USH2A: variants seen among roughly 807,000 people sequenced by gnomAD.
USH2A encodes Usher syndrome 2A (autosomal recessive, mild).
In USH2A, 443 loss-of-function variants were observed where a neutral mutation model predicts 538.9. The ratio of observed to expected loss-of-function variants is 0.82; its 90% CI spans 0.76 to 0.89. The LOEUF (loss-of-function observed/expected upper bound fraction) is 0.89. USH2A is among the 40% of genes least tolerant of loss of function. USH2A has a pLI of 0.00. For missense variants in USH2A, 6,633 were observed against 6,324.8 expected, an observed-to-expected ratio of 1.05 and a Z score of -1.65; for synonymous variants, 2,413 against 2,273.5, an observed-to-expected ratio of 1.06 and a Z score of -1.75.
intron 3 of USH2A, among the ~76,000 whole-genome samples, chr1:216,375,557 G>C (rs1241445488): frequency 6.6e-6 from 1 of 152,186 alleles, no homozygotes; most frequent in Admixed American, 6.6e-5. Flanking sequence ...TGGTTTAAGA[G>C]AATATTGTAG....
At chr1:216,130,357 T>C (rs999101977) in intron 21 of USH2A, among the ~76,000 whole-genome samples, 1 of 151,764 alleles carries the variant, frequency 6.6e-6, no homozygotes, top group Admixed American at 6.6e-5. Flanking sequence ...GTTATTCTTA[T>C]GCCTTTGCAT....
chr1:216,258,272 T>C (rs947400882), intron 11 of USH2A, among the ~76,000 whole-genome samples: 1 of 152,140 alleles, frequency 6.6e-6, no homozygotes, highest in Non-Finnish European at 1.5e-5. Flanking sequence ...AGGGCTATTC[T>C]CCACTGTTGA....
intron 30 of USH2A, among the ~76,000 whole-genome samples, chr1:216,059,051 C>T (rs1040204658): frequency 7.2e-5 from 11 of 151,966 alleles, no homozygotes; most frequent in East Asian, 3.9e-4. Flanking sequence ...AAAAATTTCA[C>T]GGCGTTGAAT....
At chr1:216,417,226 G>C (rs76873645) in intron 3 of USH2A, among the ~76,000 whole-genome samples, 4 of 146,910 alleles carry the variant, frequency 2.7e-5, no homozygotes, top group Non-Finnish European at 6.0e-5. Context: ...CAATTATCAA[G>C]ACCCTCTGAG....
intron 16 of USH2A, among the ~76,000 whole-genome samples, chr1:216,201,467 C>T (rs750192616): frequency 6.6e-6 from 1 of 152,048 alleles, no homozygotes; most frequent in Non-Finnish European, 1.5e-5. Context: ...GTGCCCACCA[C>T]CACGCCCGGC....
intron 30 of USH2A, among the ~76,000 whole-genome samples, chr1:216,053,024 G>A (rs574100325): frequency 4.6e-5 from 7 of 152,144 alleles, no homozygotes; most frequent in East Asian, 1.9e-4. Flanking sequence ...CAATGTTTCC[G>A]CTATATGCGT....
At chr1:216,387,279 A>C (rs1182635551) in intron 3 of USH2A, among the ~76,000 whole-genome samples, 1 of 152,208 alleles carries the variant, frequency 6.6e-6, no homozygotes, top group Admixed American at 6.5e-5. Flanking sequence ...TGTTTTTACT[A>C]AGCTACAAAG....
At chr1:215,698,568 T>C (rs1042946810) in intron 61 of USH2A, among the ~76,000 whole-genome samples, 2 of 152,268 alleles carry the variant, frequency 1.3e-5, no homozygotes, top group Admixed American at 6.5e-5. Context: ...ATTTCTCTAA[T>C]TACCAGTGAT....
At position 216,370,677 on chromosome 1, in the gene USH2A, CAAAAAAAA is replaced by C. The variant is rs58845914; in HGVS notation, c.652-5600_652-5593del. Among the ~76,000 whole-genome samples, 64 of 29,990 alleles carry C rather than the reference CAAAAAAAA, an allele frequency of 2.1e-3. 3 individuals carry two copies. The highest frequency in any genetic ancestry group is 3.6e-3 in the Non-Finnish European group (59 of 16,362). 19.7% of individuals were successfully genotyped at this position (29,990 alleles called of 152,430 possible). A position where few individuals can be genotyped will look rare whatever the true frequency, so the allele number is the denominator to read the frequency against. On this transcript the variant is annotated intron_variant, in intron 3 of 71. Transcript: ENST00000307340. ...TGGGGAACAGAGCCAGACTCTGTCT[CAAAAAAAA>C]AAAAAAAAAAAAAAAAATACTCAAG...
At chr1:216,390,730 TA>T (rs1170453051) in intron 3 of USH2A, among the ~76,000 whole-genome samples, 2 of 152,186 alleles carry the variant, frequency 1.3e-5, no homozygotes, top group African/African-American at 4.8e-5. Flanking sequence ...TCGGTGTTCA[TA>T]ATCACACACC....
chr1:216,141,336 A>G (rs368107), intron 21 of USH2A, among the ~76,000 whole-genome samples: 129,744 of 152,230 alleles, frequency 0.85, 55,397 homozygotes, highest in East Asian at 0.98. Flanking sequence ...TCTGCCTGCC[A>G]GGTGCTGTGG....
At chr1:215,909,334 C>A (rs1317733950) in intron 38 of USH2A, among the ~76,000 whole-genome samples, 1 of 151,776 alleles carries the variant, frequency 6.6e-6, no homozygotes, top group Non-Finnish European at 1.5e-5. Flanking sequence ...CTTTTCAGAG[C>A]AGTGAAGCTA....
chr1:215,650,634 G>T lies in USH2A; in HGVS notation c.14301C>A (p.Leu4767=). The T allele has an allele frequency of 6.2e-7, 1 of 1,614,204 alleles. No homozygotes were observed. Residue 4767 remains leucine, a synonymous_variant, in exon 65 of 72, where the codon CTC becomes CTA. Transcript: ENST00000307340. ...APGKPNGIVS[L]YRLFSSSAHG... ...GGGCGCTGCTGGAGAACAGCCTGTA[G>T]AGACTGACGATCCCGTTGGGCTTCC...
At chr1:216,135,030 A>G (rs1010895384) in intron 21 of USH2A, among the ~76,000 whole-genome samples, 1 of 152,120 alleles carries the variant, frequency 6.6e-6, no homozygotes, top group African/African-American at 2.4e-5. Flanking sequence ...GTTGATTCAA[A>G]GAAAGAGATG....
At chr1:215,965,166 G>T in intron 37 of USH2A, 151 bp downstream of exon 37, 2 of 827,832 alleles carry the variant, frequency 2.4e-6, no homozygotes, top group Non-Finnish European at 1.8e-6. Context: ...AGAACCGTCG[G>T]GCAGTAGCTT....
chr1:215,871,984 T>C (rs903334404), intron 43 of USH2A, among the ~76,000 whole-genome samples: 25 of 152,332 alleles, frequency 1.6e-4, no homozygotes, highest in Admixed American at 7.8e-4. Context: ...TCATCAGAAT[T>C]AAAAATGTGT....
At chr1:216,139,641 T>C (rs1373515046) in intron 21 of USH2A, among the ~76,000 whole-genome samples, 3 of 152,196 alleles carry the variant, frequency 2.0e-5, no homozygotes, top group East Asian at 3.9e-4. Flanking sequence ...AATGTACTTC[T>C]AAATAGATTC....
intron 61 of USH2A, among the ~76,000 whole-genome samples, chr1:215,713,408 TC>T (rs1333800565): frequency 1.3e-5 from 2 of 152,162 alleles, no homozygotes; most frequent in African/African-American, 4.8e-5. Context: ...ACCACCTCAC[TC>T]AATAGCTTTG....
At chr1:216,140,829 GA>G (rs2102610884) in intron 21 of USH2A, among the ~76,000 whole-genome samples, 1 of 152,332 alleles carries the variant, frequency 6.6e-6, no homozygotes, top group South Asian at 2.1e-4. Flanking sequence ...GCCTCAGGAA[GA>G]GGCACAGGCA....
Sources: allele counts gnomAD v4.1 joint callset (sites outside exome capture counted in the v4.1 genomes callset), GRCh38; gene constraint gnomAD v4.1.1; transcripts MANE v1.5; gene names NCBI Gene and HGNC (gene_info 2026-07-23, HGNC 2026-07-21).